The following RBM20 variants were observed in gnomAD, a reference collection of about 807,000 sequenced individuals.
RBM20 encodes RNA-binding protein 20.
RBM20 carries 51 observed loss-of-function variants against 110.1 expected under a neutral mutation model. That is an observed-to-expected ratio of 0.46 (90% confidence interval 0.37 to 0.59). RBM20 has a LOEUF of 0.59. RBM20 is among the 20% of genes least tolerant of loss of function. The pLI is 0.00. For missense variants in RBM20, 1,512 were observed against 1,574.9 expected (o/e 0.96, Z 0.68); for synonymous variants, 589 against 618.2 (o/e 0.95, Z 0.70).
intron 1 of RBM20, among the ~76,000 whole-genome samples, chr10:110,658,021 GT>G (rs1457505973): frequency 1.3e-5 from 2 of 151,480 alleles, no homozygotes; most frequent in East Asian, 1.9e-4. Context: ...TCACTCATTA[GT>G]TTTTTTTTCT....
intron 1 of RBM20, among the ~76,000 whole-genome samples, chr10:110,672,747 C>G (rs1239647312): frequency 6.6e-6 from 1 of 152,138 alleles, no homozygotes; most frequent in Non-Finnish European, 1.5e-5. Context: ...TAGGTTGTAC[C>G]GTGGACTTGT....
chr10:110,793,597 G>C (rs1844511325), intron 5 of RBM20, among the ~76,000 whole-genome samples: 2 of 152,232 alleles, frequency 1.3e-5, no homozygotes, highest in Non-Finnish European at 2.9e-5. Flanking sequence ...GCCAGATACA[G>C]AAACAGCTTG....
rs12357933 is a variant in RBM20, at chr10:110,703,004, T to G, written c.191+58359T>G. Among the ~76,000 whole-genome samples the G allele has an allele frequency of 2.7e-3, 266 of 99,674 alleles. 5 individuals carry two copies. In the East Asian group the frequency reaches 0.053, roughly 20 times the overall value. The allele number at this position is 99,674 out of a possible 152,430, so 65.4% of individuals were successfully genotyped here. ...GTTTTTTTTCTTGTTTTTTTTTTTG[T>G]TTTTTTTTTTGGTTGGCTTAATACC... On this transcript the variant is annotated intron_variant, in intron 1 of 13. Transcript: ENST00000369519.
At chr10:110,721,574 G>A (rs1349143940) in intron 1 of RBM20, among the ~76,000 whole-genome samples, 1 of 152,110 alleles carries the variant, frequency 6.6e-6, no homozygotes, top group Non-Finnish European at 1.5e-5. Flanking sequence ...TGCACTGACC[G>A]TGCCTTTTCA....
At chr10:110,694,489 A>T (rs1311072886) in intron 1 of RBM20, among the ~76,000 whole-genome samples, 1 of 152,182 alleles carries the variant, frequency 6.6e-6, no homozygotes, top group Non-Finnish European at 1.5e-5. Flanking sequence ...TGGCCTTGGA[A>T]ACCTTCCAGA....
chr10:110,768,734 C>T (rs1303054170), intron 1 of RBM20, among the ~76,000 whole-genome samples: 1 of 152,182 alleles, frequency 6.6e-6, no homozygotes, highest in East Asian at 1.9e-4. Flanking sequence ...ATGATGTCCT[C>T]AAGGTGCTTA....
intron 13 of RBM20, among the ~76,000 whole-genome samples, chr10:110,833,673 C>T (rs769699895): frequency 6.6e-6 from 1 of 152,240 alleles, no homozygotes; most frequent in African/African-American, 2.4e-5. Context: ...GTGGACTGCA[C>T]TGTGTTCTGA....
At chr10:110,650,849 T>C (rs995936501) in intron 1 of RBM20, among the ~76,000 whole-genome samples, 1 of 152,222 alleles carries the variant, frequency 6.6e-6, no homozygotes, top group Non-Finnish European at 1.5e-5. Context: ...CTAGGTAATA[T>C]ATATTTTAAA....
In RBM20 at chr10:110,781,784, G is replaced by A. The variant is rs751788298; in HGVS notation, c.1175G>A (p.Arg392Gln). The A allele has an allele frequency of 1.9e-5, 29 of 1,551,674 alleles. No individual in the cohort carries two copies. Among genetic ancestry groups the A allele is most frequent in the East Asian group, 2.4e-5 (1 of 40,934 alleles). Residue 392 changes from arginine to glutamine, a missense_variant, in exon 2 of 14, where the codon CGG becomes CAG. Physicochemically the swap from Arg to Gln is conservative, Grantham distance 43. Coordinates refer to ENST00000369519, the MANE Select transcript of RBM20 (RefSeq NM_001134363.3). ...AKEDQALLSV[R>Q]PLQAHELNDF... is the part of the protein sequence containing the mutation. ...GAGGACCAGGCGTTGCTATCTGTGC[G>A]GCCCCTGCAGGCTCATGAGCTGAAC...
intron 1 of RBM20, among the ~76,000 whole-genome samples, chr10:110,661,903 T>G (rs553333812): frequency 4.6e-5 from 7 of 151,482 alleles, no homozygotes; most frequent in South Asian, 2.1e-4. Flanking sequence ...CCAAGCTACT[T>G]GGGAGGCTGA....
intron 1 of RBM20, among the ~76,000 whole-genome samples, chr10:110,771,351 A>C (rs1844186595): frequency 6.6e-6 from 1 of 151,356 alleles, no homozygotes; most frequent in African/African-American, 2.4e-5. Context: ...CTGGTCTAGA[A>C]CTCCTGACCT....
At chr10:110,763,009 G>GA (rs1331857155) in intron 1 of RBM20, among the ~76,000 whole-genome samples, 2 of 152,184 alleles carry the variant, frequency 1.3e-5, no homozygotes, top group African/African-American at 4.8e-5. Context: ...CAGGAGCTGG[G>GA]ACTGGCGCTT....
In RBM20 at chr10:110,737,855, T is replaced by C. The variant is rs118030849; in HGVS notation, c.192-42946T>C. ...AGTTTCTGGCTATTACAAAGAATGT[T>C]GCTGTGAACATTTTTTACGTGTCTT... On this transcript the variant is annotated intron_variant, in intron 1 of 13. Coordinates refer to ENST00000369519, the MANE Select transcript of RBM20 (RefSeq NM_001134363.3). Among the ~76,000 whole-genome samples, 1,366 of 152,340 alleles carry C rather than the reference T, an allele frequency of 9.0e-3. 52 individuals are homozygous for C. Among genetic ancestry groups the C allele is most frequent in the Admixed American group, 0.06 (923 of 15,306 alleles).
At chr10:110,759,802 AATCTACTACTCT>A (rs1223276001) in intron 1 of RBM20, among the ~76,000 whole-genome samples, 2 of 152,234 alleles carry the variant, frequency 1.3e-5, no homozygotes, top group East Asian at 3.8e-4. Flanking sequence ...TTTAATGATG[AATCTACTACTCT>A]CTTTGTACTT....
At chr10:110,712,433 G>T (rs73356925) in intron 1 of RBM20, among the ~76,000 whole-genome samples, 1 of 152,084 alleles carries the variant, frequency 6.6e-6, no homozygotes, top group East Asian at 1.9e-4. Context: ...TGAGGAGGTT[G>T]GCTAGAATAT....
At chr10:110,713,141 T>C (rs1412920484) in intron 1 of RBM20, among the ~76,000 whole-genome samples, 2 of 152,324 alleles carry the variant, frequency 1.3e-5, no homozygotes, top group East Asian at 3.9e-4. Flanking sequence ...GTCATTGACA[T>C]ACATACAGGC....
rs1844890258 is a variant in RBM20 at position 110,820,175 on chromosome 10, A to G, written c.2654A>G (p.Lys885Arg). The change falls in exon 10 of 14, where the codon AAG becomes AGG. Residue 885 changes from lysine (K) to arginine (R), a missense_variant and splice_region_variant. By Grantham distance (26) the Lys-to-Arg change is conservative (BLOSUM62 2). This residue lies in a region of RBM20 where 1,149 missense variants were observed against 1,169.4 expected (regional missense o/e 0.98). Transcript: ENST00000369519. Reference protein sequence around the residue: ...FSDPENTRTKKEQDWESESEA... With the variant: ...FSDPENTRTKREQDWESESEA... Reference sequence around the variant, plus strand: ...GATCCGGAAAACACAAGGACAAAGAAGGTAAAGTTTGTTTCAGATTCTGCA... The same window carrying G: ...GATCCGGAAAACACAAGGACAAAGAGGGTAAAGTTTGTTTCAGATTCTGCA... The G allele has an allele frequency of 6.5e-7, 1 of 1,548,132 alleles. No homozygotes were observed. The highest frequency in any genetic ancestry group is 1.4e-5 in the African/African-American group (1 of 72,980).
chr10:110,774,474 T>C (rs1844235002), intron 1 of RBM20, among the ~76,000 whole-genome samples: 1 of 152,044 alleles, frequency 6.6e-6, no homozygotes, highest in South Asian at 2.1e-4. Context: ...TGTGGCCTCA[T>C]CTTCTCCTTG....
At chr10:110,751,092 G>A (rs911530677) in intron 1 of RBM20, among the ~76,000 whole-genome samples, 1 of 152,102 alleles carries the variant, frequency 6.6e-6, no homozygotes, top group Admixed American at 6.5e-5. Flanking sequence ...TTTCCACTGG[G>A]GCTACATACT....
Sources: gnomAD v4.1 joint callset for allele counts (sites outside exome capture counted in the v4.1 genomes callset) on GRCh38, gnomAD v4.1.1 for gene constraint, gnomAD v4.1.1 regional missense constraint, MANE v1.5 for transcripts, NCBI Gene and HGNC (gene_info 2026-07-23, HGNC 2026-07-21) for gene names.